The following SYNE2 variants were observed in gnomAD, a reference collection of about 807,000 sequenced individuals.
The protein encoded by SYNE2 is nesprin-2.
SYNE2 carries 431 observed loss-of-function variants against 856.3 expected under a neutral mutation model. The observed-to-expected ratio is 0.50, with a 90% CI of 0.47 to 0.55. The LOEUF (loss-of-function observed/expected upper bound fraction) is 0.55. Among genes scored for constraint, SYNE2 ranks in the 20% least tolerant of loss-of-function variants. SYNE2 has a pLI of 0.00. For synonymous variants in SYNE2, 2,923 were observed against 2,872.3 expected (o/e 1.02, Z -0.56); for missense variants, 8,129 against 8,023.2 (o/e 1.01, Z -0.50).
At chr14:64,040,520 A>G (rs2097140010) in intron 45 of SYNE2, among the ~76,000 whole-genome samples, 2 of 151,228 alleles carry the variant, frequency 1.3e-5, no homozygotes, top group South Asian at 4.1e-4. Context: ...CTTAGTTAGA[A>G]TATATGACTG....
intron 43 of SYNE2, among the ~76,000 whole-genome samples, 166 bp from the exon 44 acceptor site, chr14:64,029,729 C>T (rs568052875): frequency 2.6e-5 from 4 of 152,222 alleles, no homozygotes; most frequent in South Asian, 4.1e-4. Context: ...GGAGACTTTG[C>T]AGTGAAATAT....
intron 6 of SYNE2, among the ~76,000 whole-genome samples, chr14:63,944,555 GCT>G (rs1356654829): frequency 8.5e-6 from 1 of 117,690 alleles, no homozygotes; most frequent in African/African-American, 3.4e-5. Context: ...ACAGAGTCTC[GCT>G]CTGTTGCCCA....
intron 65 of SYNE2, among the ~76,000 whole-genome samples, chr14:64,110,614 A>T (rs2097798867): frequency 7.9e-6 from 1 of 127,030 alleles, no homozygotes; most frequent in Non-Finnish European, 1.6e-5. Flanking sequence ...CAAAGTGTAC[A>T]ATTATAAAAC....
chr14:64,212,116 C>T lies in SYNE2; in HGVS notation c.18861+18C>T, dbSNP rs1300453731. 1 of 1,613,690 alleles carries T rather than the reference C, an allele frequency of 6.2e-7. No homozygotes were observed. Among genetic ancestry groups the T allele is most frequent in the Non-Finnish European group, 8.5e-7 (1 of 1,180,008 alleles). The stretch of plus-strand genomic sequence containing the variant: ...AACTGAATGTGAGGGCTGCTGCTTC[C>T]CTAGCTCTTCTCAAAAGAACACACC... On this transcript the variant is annotated intron_variant, in intron 104 of 115. Transcript: ENST00000555002.
At chr14:63,852,350 C>T (rs1394195269), upstream of SYNE2, among the ~76,000 whole-genome samples, 2 of 152,118 alleles carry the variant, frequency 1.3e-5, no homozygotes, top group African/African-American at 4.8e-5. Context: ...ACCTGCAAGA[C>T]GCAGTTCCAA....
At chr14:64,188,790 C>A in intron 98 of SYNE2, 82 bp downstream of exon 98, 1 of 1,422,268 alleles carries the variant, frequency 7.0e-7, no homozygotes, top group Non-Finnish European at 9.9e-7. Flanking sequence ...CAAACAGGGG[C>A]AATGTTACGG....
In SYNE2 at chr14:63,822,796, G is replaced by T. The variant is rs74677049; in HGVS notation, c.-304-29705G>T. On this transcript the variant is annotated intron_variant, in intron 1 of 23. Transcript: ENST00000674003. ...GCTTAATTTGAAATTTATAACGGTAGACACCTATATTTAAAAAGAAGAAAG... is the reference window on the plus strand; with the variant it reads ...GCTTAATTTGAAATTTATAACGGTATACACCTATATTTAAAAAGAAGAAAG... Among the ~76,000 whole-genome samples the T allele has an allele frequency of 5.8e-4, 89 of 152,218 alleles. No homozygotes were observed. In the East Asian group the frequency reaches 0.015, roughly 26 times the overall value.
At chr14:63,992,439 C>G (rs540726368) in intron 21 of SYNE2, among the ~76,000 whole-genome samples, 8 of 152,156 alleles carry the variant, frequency 5.3e-5, no homozygotes, top group African/African-American at 1.9e-4. Context: ...CTACGCCCAG[C>G]TAATTTAAAA....
intron 96 of SYNE2, among the ~76,000 whole-genome samples, chr14:64,184,410 TG>T (rs2098478604): frequency 6.6e-6 from 1 of 150,956 alleles, no homozygotes; most frequent in Admixed American, 6.6e-5. Context: ...GGCAGGGCAG[TG>T]AGAGTAAAAC....
intron 1 of SYNE2, among the ~76,000 whole-genome samples, chr14:63,803,020 G>A (rs1396807764): frequency 6.6e-6 from 1 of 152,190 alleles, no homozygotes; most frequent in African/African-American, 2.4e-5. Flanking sequence ...ACCTGAGCAG[G>A]TTGCCAATAA....
At position 64,025,187 on chromosome 14, in the gene SYNE2, TGAA is replaced by T. The variant is rs908642792; in HGVS notation, c.6028_6030del (p.Glu2010del). 8 of 1,614,016 alleles carry T rather than the reference TGAA, an allele frequency of 5.0e-6. No individual in the cohort carries two copies. The highest frequency in any genetic ancestry group is 2.7e-5 in the African/African-American group (2 of 74,938). ...ACTCTTTGAAGGAATATGGGTTTAC[TGAA>T]GAAGAAGAAATAATAATGGAAGCAA... On this transcript the variant is annotated inframe_deletion, in exon 41 of 116. Transcript: ENST00000555002.
chr14:63,990,323 C>A, intron 19 of SYNE2, 88 bp from the exon 20 acceptor site: 1 of 1,366,980 alleles, frequency 7.3e-7, no homozygotes, highest in Non-Finnish European at 1.0e-6. Flanking sequence ...TAATAATGAA[C>A]TTTTTTGGTT....
At chr14:64,183,400 C>T (rs527838225) in intron 96 of SYNE2, among the ~76,000 whole-genome samples, 156 of 152,028 alleles carry the variant, frequency 1.0e-3, no homozygotes, top group African/African-American at 3.7e-3. Flanking sequence ...GACGGGATGG[C>T]AGCCAGGAAG....
chr14:63,773,211 T>C (rs959042219), intron 1 of SYNE2, among the ~76,000 whole-genome samples: 1 of 152,062 alleles, frequency 6.6e-6, no homozygotes, highest in Non-Finnish European at 1.5e-5. Context: ...CTTAAAAAAA[T>C]TTTTTTTGGA....
rs117093034 is a variant in SYNE2 at position 63,904,601 on chromosome 14, C to T, written c.-51-4497C>T. Among the ~76,000 whole-genome samples, 157 of 152,058 alleles carry T rather than the reference C, an allele frequency of 1.0e-3. 3 individuals carry two copies. The East Asian group carries it at 0.028, about 28-fold the overall frequency. On this transcript the variant is annotated intron_variant, in intron 1 of 115. Coordinates refer to ENST00000555002, the MANE Select transcript of SYNE2 (RefSeq NM_182914.3). ...ATAAGCATTTTTTCATGTTAGTTGG[C>T]CACTTCTAAGTCTCCTTTTAAGAAG...
intron 79 of SYNE2, among the ~76,000 whole-genome samples, chr14:64,138,756 T>C (rs957132034): frequency 2.0e-5 from 3 of 152,180 alleles, no homozygotes; most frequent in Admixed American, 2.0e-4. Context: ...ACATAGAACA[T>C]TTAAACATCA....
At chr14:63,845,743 C>CTTT (rs762078790) in intron 1 of SYNE2, among the ~76,000 whole-genome samples, 3 of 135,576 alleles carry the variant, frequency 2.2e-5, no homozygotes, top group African/African-American at 5.4e-5. Context: ...TTTTTCTTTT[C>CTTT]TTTTTTTTTT....
At chr14:63,864,720 TC>T (rs1184268626) in intron 1 of SYNE2, among the ~76,000 whole-genome samples, 2 of 152,338 alleles carry the variant, frequency 1.3e-5, no homozygotes, top group East Asian at 3.9e-4. Context: ...AATTTGTTTT[TC>T]AGGGGTAGTG....
chr14:64,135,836 A>G (rs1225224154), intron 78 of SYNE2, among the ~76,000 whole-genome samples: 1 of 152,224 alleles, frequency 6.6e-6, no homozygotes, highest in Non-Finnish European at 1.5e-5. Flanking sequence ...AATCAAGGAA[A>G]GGTTTGTGTG....
Sources: gnomAD v4.1 joint callset for allele counts (sites outside exome capture counted in the v4.1 genomes callset) on GRCh38, gnomAD v4.1.1 for gene constraint, MANE v1.5 for transcripts, NCBI Gene and HGNC (gene_info 2026-07-23, HGNC 2026-07-21) for gene names.